The following FAM204A variants were observed in gnomAD, a reference collection of about 807,000 sequenced individuals.
FAM204A encodes family with sequence similarity 204 member A, also known as protein FAM204A.
Under a neutral mutation model 35.4 loss-of-function variants are expected in FAM204A, and 16 were observed. The observed-to-expected ratio is 0.45, with a 90% CI of 0.31 to 0.69. FAM204A has a LOEUF of 0.69. Among genes scored for constraint, FAM204A ranks in the 30% least tolerant of loss-of-function variants. The pLI is 0.07. For synonymous variants in FAM204A, 76 were observed against 86.9 expected, an observed-to-expected ratio of 0.88 and a Z score of 0.70; for missense variants, 240 against 265.7, an observed-to-expected ratio of 0.90 and a Z score of 0.67.
chr10:118,316,184 G>T (rs1339945448), intron 7 of FAM204A, among the ~76,000 whole-genome samples: 1 of 152,076 alleles, frequency 6.6e-6, no homozygotes, highest in African/African-American at 2.4e-5. Context: ...GTAACACTGT[G>T]TTTTTAAAAA....
intron 7 of FAM204A, among the ~76,000 whole-genome samples, chr10:118,319,392 C>T (rs2133273156): frequency 6.6e-6 from 1 of 152,006 alleles, no homozygotes; most frequent in East Asian, 1.9e-4. Flanking sequence ...ATTACTACTT[C>T]AACATTATTA....
intron 2 of FAM204A, among the ~76,000 whole-genome samples, chr10:118,337,933 T>C (rs1310503265): frequency 6.6e-6 from 1 of 152,184 alleles, no homozygotes; most frequent in African/African-American, 2.4e-5. Context: ...TTCTAATAAT[T>C]GTGGTGCACT....
chr10:118,335,190 T>C lies in FAM204A; in HGVS notation c.377A>G (p.Gln126Arg), dbSNP rs757294398. The change falls in exon 6 of 9, where the codon CAG becomes CGG. Residue 126 changes from glutamine to arginine, a missense_variant. Physicochemically the swap from Gln to Arg is conservative, Grantham distance 43 (BLOSUM62 1). Coordinates refer to ENST00000369183, the MANE Select transcript of FAM204A (RefSeq NM_022063.3). ...AAAATACTGAGTAAGCTCTTTCCAC[T>C]GGGTTTCATTTGAGGACGGTTCACT... ...LHSEPSSNETQWKELTQYFGV... is the reference protein window; with the variant it reads ...LHSEPSSNETRWKELTQYFGV... 5.0e-6 allele frequency: 8 copies of C among 1,613,530 alleles called. No homozygotes were observed. In the South Asian group the frequency reaches 8.8e-5, roughly 18 times the overall value.
chr10:118,339,687 G>A (rs771012315), intron 2 of FAM204A, among the ~76,000 whole-genome samples: 13 of 152,072 alleles, frequency 8.5e-5, no homozygotes, highest in Non-Finnish European at 1.5e-4. Flanking sequence ...TTAGCCCCAA[G>A]GAAAATGTAA....
intron 7 of FAM204A, chr10:118,322,388 CACA>C (rs1475193807): frequency 4.2e-5 from 19 of 456,094 alleles, no homozygotes; most frequent in African/African-American, 2.0e-4. Flanking sequence ...CTGAGAAACA[CACA>C]ACATTACTCC....
chr10:118,304,208 A>G lies in FAM204A; in HGVS notation c.*6649T>C, dbSNP rs577729638. The G allele has an allele frequency of 2.0e-5, 3 of 152,236 alleles. No homozygotes were observed. In the South Asian group the frequency reaches 6.2e-4, roughly 32 times the overall value. 9.4% of individuals were successfully genotyped at this position (152,236 alleles called of 1,614,324 possible). On this transcript the variant is annotated 3_prime_UTR_variant, in exon 9 of 9. Transcript: ENST00000369183. ...ACCTCTTTCATCGACCTATTTCTGC[A>G]ACCTCCCTCCCTTCTGACCTCCAGG...
At chr10:118,315,923 CT>C (rs968669009) in intron 7 of FAM204A, among the ~76,000 whole-genome samples, 3 of 152,150 alleles carry the variant, frequency 2.0e-5, no homozygotes, top group Non-Finnish European at 4.4e-5. Context: ...CGGGTGACAG[CT>C]CCTCATTTTG....
Position 118,299,988 on chromosome 10 carries a change from T to C in FAM204A, c.*10869A>G, listed in dbSNP as rs1432754708. Reference sequence around the variant, plus strand: ...GATTGGAAGTGGGTCTTGTGTGGCCTTGATTATAGAGGAACAAAGTAGCAA... The same window carrying C: ...GATTGGAAGTGGGTCTTGTGTGGCCCTGATTATAGAGGAACAAAGTAGCAA... On this transcript the variant is annotated 3_prime_UTR_variant, in exon 9 of 9. Transcript: ENST00000369183. 1 of 152,190 alleles carries C rather than the reference T, an allele frequency of 6.6e-6. No homozygotes were observed. The highest frequency in any genetic ancestry group is 1.5e-5 in the Non-Finnish European group (1 of 68,030). The allele number at this position is 152,190 out of a possible 1,614,324, so 9.4% of individuals were successfully genotyped here.
In FAM204A at chr10:118,308,453, TAGAA is replaced by T. The variant is rs907300345; in HGVS notation, c.*2400_*2403del. 2.6e-5 allele frequency: 4 copies of T among 152,090 alleles called. No homozygotes were observed. Among genetic ancestry groups the T allele is most frequent in the African/African-American group, 9.7e-5 (4 of 41,410 alleles). 9.4% of individuals were successfully genotyped at this position (152,090 alleles called of 1,614,324 possible). A position where few individuals can be genotyped will look rare whatever the true frequency, so the allele number is the denominator to read the frequency against. ...TAGGAGTAAAATACCTAATTCCTAT[TAGAA>T]AGGATAAAATAAAACTGCTCTCAAA... On this transcript the variant is annotated 3_prime_UTR_variant, in exon 9 of 9. Transcript: ENST00000369183.
At chr10:118,324,802 T>C (rs1404131634) in intron 7 of FAM204A, among the ~76,000 whole-genome samples, 30 of 152,126 alleles carry the variant, frequency 2.0e-4, no homozygotes. Context: ...TCTACCGAAC[T>C]GCACAGCTAA....
At chr10:118,329,230 G>A (rs539786847) in intron 6 of FAM204A, among the ~76,000 whole-genome samples, 5 of 152,162 alleles carry the variant, frequency 3.3e-5, no homozygotes, top group East Asian at 3.9e-4. Context: ...TCAGGGACAC[G>A]TGATCCCTTA....
chr10:118,317,526 T>A (rs1350415736), intron 7 of FAM204A, among the ~76,000 whole-genome samples: 1 of 151,946 alleles, frequency 6.6e-6, no homozygotes, highest in Non-Finnish European at 1.5e-5. Flanking sequence ...ATATCCTCAA[T>A]GTAATGAGAT....
At chr10:118,312,104 C>A (rs545538754) in intron 7 of FAM204A, among the ~76,000 whole-genome samples, 3 of 152,192 alleles carry the variant, frequency 2.0e-5, no homozygotes, top group Non-Finnish European at 4.4e-5. Flanking sequence ...CAGAGCTGTT[C>A]CCCAGCAAGC....
chr10:118,336,549 T>C (rs997882978), intron 2 of FAM204A, 126 bp from the exon 3 acceptor site: 2 of 782,518 alleles, frequency 2.6e-6, no homozygotes, highest in Non-Finnish European at 1.9e-6. Context: ...CTAAACTTTT[T>C]TTTTTTAATC....
chr10:118,341,610 G>C (rs758324359), intron 2 of FAM204A, 117 bp downstream of exon 2: 1 of 152,154 alleles, frequency 6.6e-6, no homozygotes, highest in Admixed American at 6.5e-5. Context: ...GAGAGTGTTC[G>C]TTTACTTGAG....
rs1322697199 is a variant in FAM204A, at chr10:118,305,211, A to G, written c.*5646T>C. The G allele has an allele frequency of 6.6e-6, 1 of 152,190 alleles. No individual in the cohort carries two copies. Among genetic ancestry groups the G allele is most frequent in the African/African-American group, 2.4e-5 (1 of 41,450 alleles). The allele number at this position is 152,190 out of a possible 1,614,324, so 9.4% of individuals were successfully genotyped here. A position where few individuals can be genotyped will look rare whatever the true frequency, so the allele number is the denominator to read the frequency against. On this transcript the variant is annotated 3_prime_UTR_variant, in exon 9 of 9. Coordinates refer to ENST00000369183, the MANE Select transcript of FAM204A (RefSeq NM_022063.3). ...AGCAAGCAACATTCTCCTTTGTCTC[A>G]TGAACAAGAAATAAGCTTGTATTGT...
chr10:118,310,791 G>A lies in FAM204A; in HGVS notation c.*66C>T. On this transcript the variant is annotated 3_prime_UTR_variant, in exon 9 of 9. Transcript: ENST00000369183. The stretch of plus-strand genomic sequence containing the variant: ...ATCAATTTTCTGACATATTAACATA[G>A]GCAGGAAAACATTCTCAGTAAATTG... 1 of 1,329,018 alleles carries A rather than the reference G, an allele frequency of 7.5e-7. No individual in the cohort carries two copies. Among genetic ancestry groups the A allele is most frequent in the Non-Finnish European group, 1.1e-6 (1 of 946,746 alleles). The allele number at this position is 1,329,018 out of a possible 1,614,324, so 82.3% of individuals were successfully genotyped here. A position where few individuals can be genotyped will look rare whatever the true frequency, so the allele number is the denominator to read the frequency against.
At chr10:118,315,710 C>T (rs1050197868) in intron 7 of FAM204A, among the ~76,000 whole-genome samples, 17 of 151,986 alleles carry the variant, frequency 1.1e-4, no homozygotes, top group Admixed American at 7.2e-4. Flanking sequence ...ACCTAGGAGA[C>T]GAAAGAGATC....
intron 6 of FAM204A, among the ~76,000 whole-genome samples, chr10:118,332,060 G>C (rs1846297542): frequency 6.7e-6 from 1 of 149,472 alleles, no homozygotes; most frequent in Non-Finnish European, 1.5e-5. Context: ...TCTAGTCCCA[G>C]CTACAGGAAG....
Sources: allele counts gnomAD v4.1 joint callset (sites outside exome capture counted in the v4.1 genomes callset), GRCh38; gene constraint gnomAD v4.1.1; transcripts MANE v1.5; gene names NCBI Gene and HGNC (gene_info 2026-07-23, HGNC 2026-07-21).